The following PSD3 variants were observed in gnomAD, a reference collection of about 807,000 sequenced individuals.
The protein encoded by PSD3 is PH and SEC7 domain-containing protein 3.
In PSD3, 49 loss-of-function variants were observed where a neutral mutation model predicts 105.5. The observed-to-expected ratio is 0.46, with a 90% CI of 0.37 to 0.59. PSD3 has a LOEUF of 0.59. PSD3 is among the 20% of genes least tolerant of loss of function. The pLI, the probability that PSD3 is intolerant of heterozygous loss-of-function variation, is 0.00. For missense variants in PSD3, 1,561 were observed against 1,263.8 expected (o/e 1.24, Z -3.57); for synonymous variants, 557 against 457.8 (o/e 1.22, Z -2.77).
intron 9 of PSD3, among the ~76,000 whole-genome samples, chr8:18,669,917 A>T (rs539900276): frequency 5.9e-5 from 9 of 152,326 alleles, no homozygotes; most frequent in Admixed American, 5.9e-4. Flanking sequence ...TTATTCATTC[A>T]TATATTCAGT....
chr8:18,789,720 C>T (rs1417772778), intron 8 of PSD3, among the ~76,000 whole-genome samples: 2 of 152,182 alleles, frequency 1.3e-5, no homozygotes, highest in Non-Finnish European at 2.9e-5. Context: ...AACTTGATTG[C>T]TGTAGCAGGA....
At chr8:18,664,602 T>C (rs1809581617) in intron 9 of PSD3, among the ~76,000 whole-genome samples, 2 of 152,226 alleles carry the variant, frequency 1.3e-5, no homozygotes, top group African/African-American at 2.4e-5. Flanking sequence ...CAGCAAGTTA[T>C]CCAGAAGATC....
chr8:18,887,369 G>A (rs1016575650), intron 2 of PSD3, among the ~76,000 whole-genome samples: 4 of 152,138 alleles, frequency 2.6e-5, no homozygotes, highest in East Asian at 3.9e-4. Context: ...TATTTAATGG[G>A]TGATTGCTGT....
chr8:18,851,854 G>C (rs1460941079), intron 4 of PSD3, among the ~76,000 whole-genome samples: 1 of 152,222 alleles, frequency 6.6e-6, no homozygotes, highest in African/African-American at 2.4e-5. Flanking sequence ...TCCTTCTGGA[G>C]AGTGGGACCA....
chr8:18,696,436 T>C (rs757430197), intron 9 of PSD3, among the ~76,000 whole-genome samples: 36 of 152,262 alleles, frequency 2.4e-4, no homozygotes, highest in Non-Finnish European at 4.8e-4. Context: ...GGATTCAATG[T>C]TGAATCTACT....
intron 8 of PSD3, among the ~76,000 whole-genome samples, chr8:18,767,964 A>G (rs1807162191): frequency 6.6e-6 from 1 of 151,376 alleles, no homozygotes; most frequent in South Asian, 2.1e-4. Context: ...AGACTTCTGG[A>G]GATAGACTTT....
chr8:18,879,051 A>AAC (rs59598569), intron 2 of PSD3, among the ~76,000 whole-genome samples: 22,748 of 138,422 alleles, frequency 0.16, 1,646 homozygotes, highest in Middle Eastern at 0.19. Flanking sequence ...CACACACACA[A>AAC]ACACACACAC....
chr8:18,594,437 A>G (rs1461261014), intron 12 of PSD3, among the ~76,000 whole-genome samples: 2 of 125,670 alleles, frequency 1.6e-5, no homozygotes, highest in Non-Finnish European at 3.1e-5. Context: ...TATATAATAT[A>G]TTATATTATT....
At chr8:18,872,874 T>C in intron 2 of PSD3, 141 bp from the exon 3 acceptor site, 4 of 790,604 alleles carry the variant, frequency 5.1e-6, no homozygotes, top group Non-Finnish European at 7.8e-6. Context: ...CCCACCACCC[T>C]GTAACACACA....
At chr8:18,659,340 C>A (rs943159217) in intron 9 of PSD3, among the ~76,000 whole-genome samples, 1 of 152,220 alleles carries the variant, frequency 6.6e-6, no homozygotes, top group African/African-American at 2.4e-5. Flanking sequence ...TCTGCACTAG[C>A]ACCTATTTCT....
intron 12 of PSD3, among the ~76,000 whole-genome samples, chr8:18,583,640 T>C (rs1802963869): frequency 6.6e-6 from 1 of 152,110 alleles, no homozygotes; most frequent in South Asian, 2.1e-4. Flanking sequence ...CTAGCTTCCA[T>C]TTGTGTTTTT....
intron 4 of PSD3, among the ~76,000 whole-genome samples, chr8:18,813,576 T>C (rs576168042): frequency 6.5e-4 from 99 of 152,310 alleles, no homozygotes; most frequent in Non-Finnish European, 1.2e-3. Context: ...GGGTCTCCCT[T>C]CATTTGTTCA....
At chr8:18,559,128 T>A (rs1056307636) in intron 14 of PSD3, among the ~76,000 whole-genome samples, 1 of 151,858 alleles carries the variant, frequency 6.6e-6, no homozygotes, top group African/African-American at 2.4e-5. Context: ...TGAGCAAGAG[T>A]TTTTCTATAG....
At chr8:18,835,022 CTTTTT>C (rs1813990960) in intron 4 of PSD3, among the ~76,000 whole-genome samples, 1 of 152,146 alleles carries the variant, frequency 6.6e-6, no homozygotes, top group South Asian at 2.1e-4. Flanking sequence ...ATTCAGATAG[CTTTTT>C]CAGCCATTAA....
chr8:18,807,585 A>C (rs180787708), intron 4 of PSD3, among the ~76,000 whole-genome samples: 10 of 152,258 alleles, frequency 6.6e-5, no homozygotes, highest in Admixed American at 1.3e-4. Flanking sequence ...CAGTTATTAA[A>C]ACTCTAAGTC....
intron 1 of PSD3, among the ~76,000 whole-genome samples, chr8:19,024,876 G>A (rs150229889): frequency 6.6e-6 from 1 of 152,248 alleles, no homozygotes; most frequent in East Asian, 1.9e-4. Context: ...TCATTTGGCT[G>A]TTCCCGAGTT....
intron 14 of PSD3, among the ~76,000 whole-genome samples, chr8:18,563,683 T>A (rs780805099): frequency 3.3e-5 from 5 of 152,194 alleles, no homozygotes; most frequent in African/African-American, 1.2e-4. Flanking sequence ...GGGTACTTAA[T>A]ATATATTAAA....
intron 2 of PSD3, among the ~76,000 whole-genome samples, chr8:18,898,892 G>C (rs1819319950): frequency 6.6e-6 from 1 of 152,088 alleles, no homozygotes; most frequent in South Asian, 2.1e-4. Flanking sequence ...AAGCAAGAGA[G>C]GCAGGCACAT....
intron 1 of PSD3, among the ~76,000 whole-genome samples, chr8:18,991,373 TACACAC>T (rs71545538): frequency 4.0e-5 from 4 of 100,008 alleles, no homozygotes; most frequent in Admixed American, 9.1e-5. Context: ...CACACACACA[TACACAC>T]ACACACACAC....
Sources: allele counts gnomAD v4.1 joint callset (sites outside exome capture counted in the v4.1 genomes callset), GRCh38; gene constraint gnomAD v4.1.1; transcripts MANE v1.5; gene names NCBI Gene and HGNC (gene_info 2026-07-23, HGNC 2026-07-21).